RBFA: variants seen among roughly 807,000 people sequenced by gnomAD.
RBFA encodes ribosome binding factor A.
Under a neutral mutation model 27.9 loss-of-function variants are expected in RBFA, and 16 were observed. The observed-to-expected ratio is 0.57, with a 90% CI of 0.39 to 0.87. The LOEUF (loss-of-function observed/expected upper bound fraction) is 0.87. Ranked by LOEUF, RBFA falls within the 40% of genes least tolerant of loss-of-function variation. The pLI is 0.00. For synonymous variants in RBFA, 181 were observed against 181.0 expected (o/e 1.00, Z 0.00); for missense variants, 456 against 432.1 (o/e 1.06, Z -0.49).
rs747647883 is a variant in RBFA at position 80,034,661 on chromosome 18, G to T, written c.158+8G>T. 1 of 1,607,530 alleles carries T rather than the reference G, an allele frequency of 6.2e-7. No individual in the cohort carries two copies. The highest frequency in any genetic ancestry group is 1.1e-5 in the South Asian group (1 of 90,354). On this transcript the variant is annotated splice_region_variant and intron_variant, in intron 1 of 6. Coordinates refer to ENST00000306735, the MANE Select transcript of RBFA (RefSeq NM_024805.3). ...ATTTGCCTCGAAAACCAAGTAATGC[G>T]GCGGGGGCGGTGTCCCTGGGCGCGG...
chr18:80,048,671 T>C lies in RBFA; in HGVS notation c.*2516T>C, dbSNP rs2052073052. 6.6e-6 allele frequency among the ~76,000 whole-genome samples: 1 copy of C among 152,226 alleles called. No individual in the cohort carries two copies. Among genetic ancestry groups the C allele is most frequent in the South Asian group, 2.1e-4 (1 of 4,834 alleles). On this transcript the variant is annotated 3_prime_UTR_variant, in exon 7 of 7. Transcript: ENST00000306735. ...GTGCCGGATGTGGTGTTGGCATCCATAGCAGTCTCGCAAAGTTGTTCTCAT... is the reference window on the plus strand; with the variant it reads ...GTGCCGGATGTGGTGTTGGCATCCACAGCAGTCTCGCAAAGTTGTTCTCAT...
intron 2 of RBFA, 125 bp downstream of exon 2, chr18:80,036,835 C>T (rs1039727352): frequency 3.2e-5 from 19 of 597,636 alleles, no homozygotes; most frequent in African/African-American, 3.0e-4. Context: ...GTGGATGCGA[C>T]TGGATGCCAT....
chr18:80,043,358 A>G (rs2052029253), intron 5 of RBFA, among the ~76,000 whole-genome samples: 1 of 152,242 alleles, frequency 6.6e-6, no homozygotes, highest in African/African-American at 2.4e-5. Context: ...ACATTGTACA[A>G]GTAATAAGCT....
In RBFA at chr18:80,048,944, CT is replaced by C. The variant is rs2052076777; in HGVS notation, c.*2790del. On this transcript the variant is annotated 3_prime_UTR_variant, in exon 7 of 7. Coordinates refer to ENST00000306735, the MANE Select transcript of RBFA (RefSeq NM_024805.3). Reference sequence around the variant, plus strand: ...GTTTGCAGGGGATCCAACCAGGCGTCTGCTCAGTGCCTCCTAGAAAGTGGAG... The same window carrying C: ...GTTTGCAGGGGATCCAACCAGGCGTCGCTCAGTGCCTCCTAGAAAGTGGAG... Among the ~76,000 whole-genome samples, 1 of 147,632 alleles carries C rather than the reference CT, an allele frequency of 6.8e-6. No homozygotes were observed.
At chr18:80,045,376 G>A (rs993072371) in intron 6 of RBFA, among the ~76,000 whole-genome samples, 7 of 152,030 alleles carry the variant, frequency 4.6e-5, no homozygotes, top group Non-Finnish European at 8.8e-5. Flanking sequence ...ACAGGCGAGC[G>A]CCACCACGCC....
intron 2 of RBFA, among the ~76,000 whole-genome samples, chr18:80,036,968 C>T (rs1358987805): frequency 6.6e-6 from 1 of 152,144 alleles, no homozygotes; most frequent in African/African-American, 2.4e-5. Flanking sequence ...TGTGTGTGTA[C>T]TGTAAAAGTT....
chr18:80,037,600 A>T, intron 3 of RBFA, 94 bp downstream of exon 3: 1 of 1,215,550 alleles, frequency 8.2e-7, no homozygotes, highest in South Asian at 1.5e-5. Flanking sequence ...TTAAAAAAAG[A>T]CGCTTTAGAC....
intron 6 of RBFA, 46 bp from the exon 7 acceptor site, chr18:80,045,728 A>G (rs767501333): frequency 2.0e-6 from 3 of 1,494,100 alleles, no homozygotes; most frequent in Admixed American, 2.3e-5. Context: ...ACTGTGGACT[A>G]GGGGCATGGT....
chr18:80,050,361 CATG>C lies in RBFA; in HGVS notation c.*4207_*4209del, dbSNP rs1686826773. Among the ~76,000 whole-genome samples the C allele has an allele frequency of 1.3e-5, 2 of 152,090 alleles. No homozygotes were observed. The highest frequency in any genetic ancestry group is 4.8e-5 in the African/African-American group (2 of 41,388). ...ATTTTTTATTTTTATTTTTAATTATCATGGGCACAGAGTAGGTGTATATATTTG... is the reference window on the plus strand; with the variant it reads ...ATTTTTTATTTTTATTTTTAATTATCGGCACAGAGTAGGTGTATATATTTG... On this transcript the variant is annotated 3_prime_UTR_variant, in exon 7 of 7. Coordinates refer to ENST00000306735, the MANE Select transcript of RBFA (RefSeq NM_024805.3).
intron 5 of RBFA, among the ~76,000 whole-genome samples, chr18:80,043,188 A>G (rs112751673): frequency 7.2e-5 from 11 of 152,340 alleles, no homozygotes; most frequent in African/African-American, 2.6e-4. Context: ...AAGATATGTT[A>G]TACCTTCAAA....
In RBFA at chr18:80,046,980, C is replaced by T. The variant is rs1327522135; in HGVS notation, c.*825C>T. On this transcript the variant is annotated 3_prime_UTR_variant, in exon 7 of 7. Transcript: ENST00000306735. ...TTGCTGTTTATCAGAAGAGAAAACA[C>T]AGATTCCATACCTTGTCAGCTCCTA... The T allele has an allele frequency of 1.3e-5, 2 of 152,372 alleles. No individual in the cohort carries two copies. The highest frequency in any genetic ancestry group is 2.9e-5 in the Non-Finnish European group (2 of 68,048). 9.4% of individuals were successfully genotyped at this position (152,372 alleles called of 1,614,324 possible). A position where few individuals can be genotyped will look rare whatever the true frequency, so the allele number is the denominator to read the frequency against.
In RBFA at chr18:80,045,881, G is replaced by C; in HGVS notation, c.758G>C (p.Arg253Thr). The change falls in exon 7 of 7, where the codon AGG becomes ACG. Residue 253 changes from arginine to threonine, a missense_variant. Physicochemically the swap from Arg to Thr is moderately conservative, Grantham distance 71. Transcript: ENST00000306735. ...AACAAGCAGATTATGGAGTACAAAA[G>C]GAGGAAAGATAAAGGGCTCGGGGGC... The part of the protein sequence containing the change: ...ALNKQIMEYK[R>T]RKDKGLGGLV... 6.2e-7 allele frequency: 1 copy of C among 1,608,722 alleles called. No individual in the cohort carries two copies. The highest frequency in any genetic ancestry group is 8.5e-7 in the Non-Finnish European group (1 of 1,177,472).
rs146923237 is a variant in RBFA, at chr18:80,046,131, C to T, written c.1008C>T (p.His336=). The T allele has an allele frequency of 1.4e-5, 22 of 1,614,044 alleles. No homozygotes were observed. Among genetic ancestry groups the T allele is most frequent in the Admixed American group, 3.3e-5 (2 of 60,020 alleles). ...GAGGTGGCAGAACAGAGGATGGCCA[C>T]AGCTGCGGAGCAAGCAGGGAGTAGA... ...ERGGGRTEDG[H]SCGASRE Residue 336 remains histidine, a synonymous_variant, in exon 7 of 7, where the codon CAC becomes CAT. Transcript: ENST00000306735.
intron 5 of RBFA, among the ~76,000 whole-genome samples, chr18:80,043,271 C>A (rs1158260059): frequency 6.6e-6 from 1 of 152,190 alleles, no homozygotes; most frequent in Non-Finnish European, 1.5e-5. Flanking sequence ...GACCAGACAG[C>A]ATTTGGATCC....
At chr18:80,035,103 T>C (rs2145139617) in intron 1 of RBFA, 1 of 173,558 alleles carries the variant, frequency 5.8e-6, no homozygotes, top group South Asian at 1.0e-4. Context: ...GGTGGTTGTA[T>C]GTTTTCTACT....
intron 4 of RBFA, 62 bp downstream of exon 4, chr18:80,038,679 T>G: frequency 8.1e-7 from 1 of 1,229,254 alleles, no homozygotes; most frequent in Non-Finnish European, 1.2e-6. Context: ...TTCTCAGCTG[T>G]TTCACTTGTA....
chr18:80,044,125 C>A, intron 5 of RBFA, 87 bp from the exon 6 acceptor site: 3 of 1,095,506 alleles, frequency 2.7e-6, no homozygotes, highest in Non-Finnish European at 2.8e-6. Context: ...GCTCTGCAGT[C>A]AACAATGCTG....
chr18:80,040,745 C>T (rs1331020775), intron 4 of RBFA, among the ~76,000 whole-genome samples: 2 of 151,922 alleles, frequency 1.3e-5, no homozygotes, highest in East Asian at 3.9e-4. Context: ...TTTTAAGCGA[C>T]TTTAAAAAGA....
rs1473290772 is a variant in RBFA, at chr18:80,047,587, C to G, written c.*1432C>G. On this transcript the variant is annotated 3_prime_UTR_variant, in exon 7 of 7. Transcript: ENST00000306735. ...TGTTTATACTCTACACTCTTATTTCCTATATCAGGATGGGGAGGCCACTAC... is the reference window on the plus strand; with the variant it reads ...TGTTTATACTCTACACTCTTATTTCGTATATCAGGATGGGGAGGCCACTAC... Among the ~76,000 whole-genome samples, 1 of 152,122 alleles carries G rather than the reference C, an allele frequency of 6.6e-6. No homozygotes were observed. Among genetic ancestry groups the G allele is most frequent in the East Asian group, 1.9e-4 (1 of 5,194 alleles).
Sources: gnomAD v4.1 joint callset for allele counts (sites outside exome capture counted in the v4.1 genomes callset) on GRCh38, gnomAD v4.1.1 for gene constraint, MANE v1.5 for transcripts, NCBI Gene and HGNC (gene_info 2026-07-23, HGNC 2026-07-21) for gene names.